The following OMA1 variants were observed in gnomAD, a reference collection of about 807,000 sequenced individuals.
The protein encoded by OMA1 is metalloendopeptidase OMA1, mitochondrial.
A neutral mutation model predicts 30.9 loss-of-function variants in OMA1; 38 were observed. That is an observed-to-expected ratio of 1.23 (90% CI 0.95 to 1.61). OMA1 has a LOEUF of 1.61. OMA1 is among the 40% of genes most tolerant of loss of function. The pLI, the probability that OMA1 is intolerant of heterozygous loss-of-function variation, is 0.00. For synonymous variants in OMA1, 173 were observed against 121.9 expected (o/e 1.42, Z -2.76); for missense variants, 461 against 349.2 (o/e 1.32, Z -2.55).
At chr1:58,495,272 G>A (rs1314434557) in intron 8 of OMA1, among the ~76,000 whole-genome samples, 5 of 152,108 alleles carry the variant, frequency 3.3e-5, no homozygotes, top group African/African-American at 4.8e-5. Context: ...TCTGTTGTGG[G>A]GTGGGAGGAG....
chr1:58,483,581 A>G (rs1569863057), intron 8 of OMA1, among the ~76,000 whole-genome samples: 4 of 152,230 alleles, frequency 2.6e-5, no homozygotes, highest in Admixed American at 2.6e-4. Context: ...AGATTTCCTT[A>G]TATCTAGTGA....
chr1:58,489,016 C>T (rs950480915), intron 8 of OMA1, among the ~76,000 whole-genome samples: 1 of 152,216 alleles, frequency 6.6e-6, no homozygotes, highest in Non-Finnish European at 1.5e-5. Context: ...CCAGCGTCAG[C>T]GACGCAGAAG....
chr1:58,542,990 T>A (rs534026743), intron 1 of OMA1, among the ~76,000 whole-genome samples: 2,377 of 145,298 alleles, frequency 0.016, 23 homozygotes, highest in South Asian at 0.026. Context: ...AAAGCTTTTT[T>A]AAAAAAAAAA....
intron 8 of OMA1, among the ~76,000 whole-genome samples, chr1:58,498,315 T>TG (rs1372818234): frequency 6.6e-6 from 1 of 152,148 alleles, no homozygotes; most frequent in East Asian, 1.9e-4. Context: ...ACTTCACCCT[T>TG]GATTTTACAA....
intron 7 of OMA1, among the ~76,000 whole-genome samples, chr1:58,520,139 T>C (rs1348843922): frequency 6.6e-6 from 1 of 152,096 alleles, no homozygotes; most frequent in Non-Finnish European, 1.5e-5. Context: ...AAACCACCTT[T>C]TGGGTACCAT....
intron 7 of OMA1, among the ~76,000 whole-genome samples, chr1:58,514,498 T>A (rs567630624): frequency 3.9e-5 from 6 of 152,314 alleles, no homozygotes; most frequent in African/African-American, 1.2e-4. Context: ...ACAAAGCTCC[T>A]GTTAGCCATC....
At chr1:58,506,873 T>C (rs1645997972) in intron 7 of OMA1, among the ~76,000 whole-genome samples, 1 of 152,192 alleles carries the variant, frequency 6.6e-6, no homozygotes, top group African/African-American at 2.4e-5. Context: ...ACACAATACC[T>C]TATAAAAGTA....
At chr1:58,492,169 G>A (rs1428068331) in intron 8 of OMA1, among the ~76,000 whole-genome samples, 1 of 152,078 alleles carries the variant, frequency 6.6e-6, no homozygotes, top group Non-Finnish European at 1.5e-5. Flanking sequence ...TGACTACTGG[G>A]TACATAACGA....
At position 58,527,313 on chromosome 1, in the gene OMA1, C is replaced by T. The variant is rs1236852835; in HGVS notation, c.1163G>A (p.Ser388Asn). 1 of 872,142 alleles carries T rather than the reference C, an allele frequency of 1.1e-6. No homozygotes were observed. Among genetic ancestry groups the T allele is most frequent in the Admixed American group, 1.7e-5 (1 of 59,176 alleles). 54.0% of individuals were successfully genotyped at this position (872,142 alleles called of 1,614,324 possible). The part of the protein sequence containing the change: ...LQEYMFNRPY[S>N]RKLEAEADKI... Reference sequence around the variant, plus strand: ...GTCAGCTTCGGCCTCCAATTTTCTGCTGTATGGTCTATTAAACATATACTA... The same window carrying T: ...GTCAGCTTCGGCCTCCAATTTTCTGTTGTATGGTCTATTAAACATATACTA... Residue 388 changes from serine to asparagine, a missense_variant, in exon 7 of 9, where the codon AGC becomes AAC. Transcript: ENST00000371226.
intron 8 of OMA1, among the ~76,000 whole-genome samples, chr1:58,487,287 T>C (rs112515126): frequency 6.6e-6 from 1 of 152,244 alleles, no homozygotes; most frequent in African/African-American, 2.4e-5. Flanking sequence ...AGATGAGTCC[T>C]AAATTTCCTC....
chr1:58,484,716 G>T (rs949221211), intron 8 of OMA1, among the ~76,000 whole-genome samples: 4 of 152,042 alleles, frequency 2.6e-5, no homozygotes, highest in African/African-American at 9.7e-5. Context: ...CCAGACAAAA[G>T]AATATTATTC....
In OMA1 at chr1:58,518,292, A is replaced by G. The variant is rs1399814016; in HGVS notation, c.1215+8969T>C. Among the ~76,000 whole-genome samples the G allele has an allele frequency of 3.1e-3, 132 of 42,782 alleles. 25 individuals carry two copies. The highest frequency in any genetic ancestry group is 6.5e-3 in the African/African-American group (43 of 6,578). The allele number at this position is 42,782 out of a possible 152,430, so 28.1% of individuals were successfully genotyped here. A position where few individuals can be genotyped will look rare whatever the true frequency, so the allele number is the denominator to read the frequency against. On this transcript the variant is annotated intron_variant, in intron 7 of 8. Transcript: ENST00000371226. The stretch of plus-strand genomic sequence containing the variant: ...AGAGAGGAGAGGAGAAGAGAAGAGA[A>G]GAGAAGAGAAGAGAAGAGAAGAGAA...
intron 8 of OMA1, among the ~76,000 whole-genome samples, chr1:58,501,771 T>C (rs1239009518): frequency 6.6e-6 from 1 of 152,172 alleles, no homozygotes; most frequent in East Asian, 1.9e-4. Context: ...AAAATTCATA[T>C]TTTGAAGTCC....
intron 7 of OMA1, among the ~76,000 whole-genome samples, chr1:58,518,380 A>G (rs564846574): frequency 8.1e-5 from 12 of 148,228 alleles, no homozygotes; most frequent in Non-Finnish European, 1.0e-4. Context: ...GAAGGGAAGA[A>G]AAGAAAAGAA....
chr1:58,543,504 A>C (rs60739996), intron 1 of OMA1, among the ~76,000 whole-genome samples: 1 of 152,012 alleles, frequency 6.6e-6, no homozygotes, highest in East Asian at 1.9e-4. Flanking sequence ...TATGGTGTTG[A>C]TCACTACCCA....
chr1:58,507,802 A>C (rs1427542378), intron 7 of OMA1, among the ~76,000 whole-genome samples: 2 of 152,264 alleles, frequency 1.3e-5, no homozygotes, highest in East Asian at 1.9e-4. Context: ...AGGTAATCAC[A>C]TTCACAATAA....
rs1290752750 is a variant in OMA1, at chr1:58,480,801, AT to A, written c.*163del. 1.9e-5 allele frequency: 10 copies of A among 514,332 alleles called. No homozygotes were observed. In the Admixed American group the frequency reaches 3.8e-4, roughly 20 times the overall value. The allele number at this position is 514,332 out of a possible 1,614,324, so 31.9% of individuals were successfully genotyped here. ...ATAGATTAAAATACATCAATATTTC[AT>A]GAAAAATAAATTCTAGAAGAATTTA... On this transcript the variant is annotated 3_prime_UTR_variant, in exon 9 of 9. Transcript: ENST00000371226.
chr1:58,536,451 A>T, intron 3 of OMA1, 62 bp downstream of exon 3: 1 of 744,852 alleles, frequency 1.3e-6, no homozygotes, highest in South Asian at 1.6e-5. Context: ...CACATTTAAG[A>T]TACTTTCCTA....
At chr1:58,527,130 CAG>C in intron 7 of OMA1, 129 bp downstream of exon 7, 1 of 601,560 alleles carries the variant, frequency 1.7e-6, no homozygotes, top group South Asian at 2.1e-5. Context: ...TCTAGATTAA[CAG>C]AAATTACATA....
Sources: allele counts gnomAD v4.1 joint callset (sites outside exome capture counted in the v4.1 genomes callset), GRCh38; gene constraint gnomAD v4.1.1; transcripts MANE v1.5; gene names NCBI Gene and HGNC (gene_info 2026-07-23, HGNC 2026-07-21).